The following UPF2 variants were observed in gnomAD, a reference collection of about 807,000 sequenced individuals.
UPF2 encodes the protein regulator of nonsense transcripts 2.
A neutral mutation model predicts 141.4 loss-of-function variants in UPF2; 17 were observed. The ratio of observed to expected loss-of-function variants is 0.12; its 90% confidence interval spans 0.08 to 0.18. UPF2 has a LOEUF of 0.18. UPF2 is among the 10% of genes least tolerant of loss of function. The pLI is 1.00. For missense variants in UPF2, 1,152 were observed against 1,515.9 expected, an observed-to-expected ratio of 0.76 and a Z score of 3.99; for synonymous variants, 540 against 498.0, an observed-to-expected ratio of 1.08 and a Z score of -1.12.
intron 15 of UPF2, among the ~76,000 whole-genome samples, chr10:11,950,614 C>A (rs1833061742): frequency 6.6e-6 from 1 of 152,204 alleles, no homozygotes; most frequent in Non-Finnish European, 1.5e-5. Flanking sequence ...CTAGGTGTCA[C>A]ACTAATATTT....
intron 21 of UPF2, among the ~76,000 whole-genome samples, chr10:11,924,021 A>C (rs1564332355): frequency 6.6e-6 from 1 of 152,242 alleles, no homozygotes; most frequent in South Asian, 2.1e-4. Flanking sequence ...AAGCCATGTA[A>C]GTATTAACAC....
At chr10:11,954,643 A>AAATATATAT (rs1439199969) in intron 14 of UPF2, among the ~76,000 whole-genome samples, 1 of 128,344 alleles carries the variant, frequency 7.8e-6, no homozygotes, top group Non-Finnish European at 1.7e-5. Context: ...CAAAAAAAAA[A>AAATATATAT]ATATATATAT....
intron 14 of UPF2, among the ~76,000 whole-genome samples, chr10:11,954,643 A>AAAATATATAT (rs1439199969): frequency 2.5e-4 from 32 of 128,354 alleles, no homozygotes; most frequent in South Asian, 7.6e-4. Context: ...CAAAAAAAAA[A>AAAATATATAT]ATATATATAT....
intron 8 of UPF2, among the ~76,000 whole-genome samples, chr10:11,993,718 A>C (rs1833820049): frequency 6.6e-6 from 1 of 152,200 alleles, no homozygotes; most frequent in Non-Finnish European, 1.5e-5. Flanking sequence ...CATGCCTGTA[A>C]TCCCTGCACT....
intron 8 of UPF2, among the ~76,000 whole-genome samples, chr10:11,988,011 C>T (rs1833721540): frequency 6.6e-6 from 1 of 152,088 alleles, no homozygotes; most frequent in African/African-American, 2.4e-5. Flanking sequence ...AATTATGTAT[C>T]TGATAAGAGA....
At chr10:11,969,149 A>G (rs556674166) in intron 9 of UPF2, among the ~76,000 whole-genome samples, 5 of 150,782 alleles carry the variant, frequency 3.3e-5, no homozygotes, top group African/African-American at 1.2e-4. Context: ...GGCATGAGCC[A>G]CCACAATCAG....
chr10:11,967,370 T>A lies in UPF2; in HGVS notation c.2038A>T (p.Thr680Ser). ...AAACAATGCAGTGTGTCATTTTTGG[T>A]GAACATCTTAAACTTAGTTAGTTCT... ...IGELTKFKMFTKNDTLHCLKM... is the reference protein window; with the variant it reads ...IGELTKFKMFSKNDTLHCLKM... The change falls in exon 10 of 22, where the codon ACC (threonine) becomes TCC (serine). Residue 680 changes from threonine (T) to serine (S), a missense_variant. By Grantham distance (58) the Thr-to-Ser change is moderately conservative. Transcript: ENST00000357604. 1.3e-6 allele frequency: 2 copies of A among 1,584,184 alleles called. No individual in the cohort carries two copies. Among genetic ancestry groups the A allele is most frequent in the East Asian group, 4.7e-5 (2 of 42,872 alleles).
chr10:11,986,220 A>G (rs1027397675), intron 8 of UPF2, among the ~76,000 whole-genome samples: 2 of 152,130 alleles, frequency 1.3e-5, no homozygotes, highest in Non-Finnish European at 2.9e-5. Flanking sequence ...CTATAATCTC[A>G]TAAGATGGCG....
rs1485062775 is a variant in UPF2, at chr10:12,001,808, C to T, written c.1522G>A (p.Glu508Lys). The change falls in exon 6 of 22, where the codon GAG becomes AAG. Residue 508 changes from glutamate (E) to lysine (K), a missense_variant. By Grantham distance (56) the Glu-to-Lys change is moderately conservative (BLOSUM62 1). Around this residue, in one of 4 missense-constraint regions of UPF2, gnomAD observed 739 missense variants for 1,032.2 expected, o/e 0.72. Transcript: ENST00000357604. The stretch of plus-strand genomic sequence containing the variant: ...TCGGGACTTGATACCTCCTTATTCT[C>T]CTTAGATTCTTTTGCCTCTGTTGAA... Reference protein sequence around the residue: ...DDTKEAKESKENKEVSSPDDL... With the variant: ...DDTKEAKESKKNKEVSSPDDL... 31 of 1,596,436 alleles carry T rather than the reference C, an allele frequency of 1.9e-5. No homozygotes were observed. Among genetic ancestry groups the T allele is most frequent in the Non-Finnish European group, 2.4e-5 (28 of 1,174,132 alleles).
chr10:11,982,686 G>A (rs1833618854), intron 8 of UPF2, among the ~76,000 whole-genome samples: 1 of 152,000 alleles, frequency 6.6e-6, no homozygotes, highest in Non-Finnish European at 1.5e-5. Context: ...GAGTGCAATG[G>A]CGCCATCTTG....
chr10:11,997,081 T>C (rs571428687), intron 8 of UPF2, among the ~76,000 whole-genome samples: 1 of 152,330 alleles, frequency 6.6e-6, no homozygotes, highest in East Asian at 1.9e-4. Flanking sequence ...CCTGAAATGT[T>C]CAGGTGAAGT....
At chr10:11,950,593 C>T (rs1205628540) in intron 15 of UPF2, among the ~76,000 whole-genome samples, 1 of 152,230 alleles carries the variant, frequency 6.6e-6, no homozygotes, top group Non-Finnish European at 1.5e-5. Context: ...GTTCTCTTTT[C>T]TGTCACTAAA....
intron 1 of UPF2, among the ~76,000 whole-genome samples, chr10:12,036,851 T>A (rs1325804487): frequency 6.6e-6 from 1 of 151,970 alleles, no homozygotes; most frequent in Non-Finnish European, 1.5e-5. Context: ...CATGGAGAAA[T>A]CTCGTCTCTA....
chr10:11,979,414 T>C lies in UPF2; in HGVS notation c.1845-249A>G, dbSNP rs993772082. On this transcript the variant is annotated intron_variant, in intron 8 of 21. Coordinates refer to ENST00000357604, the MANE Select transcript of UPF2 (RefSeq NM_015542.4). This position sits in a 1 kb window ranked among gnomAD's most constrained non-coding sequence, Gnocchi z 6.2. ...ACATCTGTAGTTTTATTATGTAATT[T>C]TGATGAAATATGAAACACCACACAC... Among the ~76,000 whole-genome samples the C allele has an allele frequency of 1.3e-5, 2 of 152,182 alleles. No individual in the cohort carries two copies. Among genetic ancestry groups the C allele is most frequent in the Admixed American group, 6.5e-5 (1 of 15,276 alleles).
intron 3 of UPF2, among the ~76,000 whole-genome samples, chr10:12,018,146 C>T (rs1028747261): frequency 2.0e-5 from 3 of 152,134 alleles, no homozygotes; most frequent in African/African-American, 7.2e-5. Flanking sequence ...AGTGCCTGAA[C>T]ATTTAAAAAC....
chr10:12,018,226 T>C (rs183892992), intron 3 of UPF2, among the ~76,000 whole-genome samples: 103 of 152,250 alleles, frequency 6.8e-4, no homozygotes, highest in African/African-American at 1.6e-3. Flanking sequence ...GGAGGGCCGA[T>C]TGCTTGAGCC....
chr10:12,010,497 T>C (rs966228593), intron 4 of UPF2, among the ~76,000 whole-genome samples: 5 of 152,162 alleles, frequency 3.3e-5, no homozygotes, highest in African/African-American at 9.7e-5. Flanking sequence ...AAGAAAAGAT[T>C]AGTGAACTTG....
chr10:11,966,120 A>T (rs1833315834), intron 10 of UPF2, among the ~76,000 whole-genome samples: 1 of 152,228 alleles, frequency 6.6e-6, no homozygotes, highest in South Asian at 2.1e-4. Flanking sequence ...TGATTTTGGT[A>T]AATAATCCAT....
At chr10:11,945,104 TTC>T (rs1364628848) in intron 16 of UPF2, among the ~76,000 whole-genome samples, 14 of 152,378 alleles carry the variant, frequency 9.2e-5, no homozygotes, top group Admixed American at 2.0e-4. Context: ...ATCTTGCACT[TTC>T]TGTTGATAAA....
Sources: allele counts gnomAD v4.1 joint callset (sites outside exome capture counted in the v4.1 genomes callset), GRCh38; gene constraint gnomAD v4.1.1; regional missense constraint gnomAD v4.1.1; non-coding constraint Gnocchi (gnomAD v3.1); transcripts MANE v1.5; gene names NCBI Gene and HGNC (gene_info 2026-07-23, HGNC 2026-07-21).